Variants in DNAH7 observed in about 807,000 individuals in gnomAD.
DNAH7 encodes axonemal beta dynein heavy chain 7.
In DNAH7, 397 loss-of-function variants were observed where a neutral mutation model predicts 444.6. That is an observed-to-expected ratio of 0.89 (90% CI 0.82 to 0.97). DNAH7 has a LOEUF of 0.97. DNAH7 is among the 50% of genes least tolerant of loss of function. DNAH7 has a pLI of 0.00. For synonymous variants in DNAH7, 1,636 were observed against 1,624.4 expected (o/e 1.01, Z -0.17); for missense variants, 4,902 against 4,800.8 (o/e 1.02, Z -0.62).
intron 8 of DNAH7, among the ~76,000 whole-genome samples, chr2:196,020,314 C>T (rs1695298896): frequency 6.6e-6 from 1 of 152,024 alleles, no homozygotes; most frequent in Non-Finnish European, 1.5e-5. Flanking sequence ...AGCTCAGTGG[C>T]CCTTACCCCC....
At position 195,888,310 on chromosome 2, in the gene DNAH7, A is replaced by C; in HGVS notation, c.5354T>G (p.Leu1785Ter). ...SVIQKEFIMG[L>*]FDRMVPVSVE... ...CGAAACAGGGACCATTCTGTCAAAT[A>C]AGCCCATTATGAATTCCTTTTGAAT... The change falls in exon 33 of 65, where the codon TTA (leucine) becomes TGA (stop). Residue 1785 changes from leucine to a stop codon, truncating the protein, a stop_gained. Coordinates refer to ENST00000312428, the MANE Select transcript of DNAH7 (RefSeq NM_018897.3). LOFTEE classifies it high-confidence loss of function. 1 of 1,611,640 alleles carries C rather than the reference A, an allele frequency of 6.2e-7. No individual in the cohort carries two copies. Among genetic ancestry groups the C allele is most frequent in the Non-Finnish European group, 8.5e-7 (1 of 1,179,036 alleles).
chr2:195,862,981 A>C (rs1283485675), intron 41 of DNAH7, among the ~76,000 whole-genome samples: 1 of 152,176 alleles, frequency 6.6e-6, no homozygotes, highest in Admixed American at 6.5e-5. Flanking sequence ...GGTTGCAGTG[A>C]GCCAAGATTG....
chr2:195,747,865 C>G (rs1023841773), intron 63 of DNAH7, among the ~76,000 whole-genome samples: 9 of 152,074 alleles, frequency 5.9e-5, no homozygotes, highest in African/African-American at 1.7e-4. Flanking sequence ...TATGACAAAC[C>G]CACAGCCAAT....
At chr2:196,047,578 T>C (rs1466570719) in intron 4 of DNAH7, 79 bp from the exon 5 acceptor site, 2 of 1,214,472 alleles carry the variant, frequency 1.6e-6, no homozygotes, top group African/African-American at 1.6e-5. Flanking sequence ...TAAAATAAGA[T>C]GCTAAATCAC....
intron 5 of DNAH7, among the ~76,000 whole-genome samples, chr2:196,036,893 A>T (rs1213854511): frequency 2.0e-5 from 3 of 152,046 alleles, no homozygotes; most frequent in Non-Finnish European, 4.4e-5. Flanking sequence ...GTGCCCATGC[A>T]TGCCACCCAG....
chr2:196,051,683 C>T (rs1434426804), intron 2 of DNAH7, among the ~76,000 whole-genome samples: 8 of 152,000 alleles, frequency 5.3e-5, no homozygotes, highest in Admixed American at 3.9e-4. Flanking sequence ...AGGAGAATGG[C>T]GTGAACCCAG....
At position 195,876,674 on chromosome 2, in the gene DNAH7, T is replaced by C. The variant is rs752289529; in HGVS notation, c.5987A>G (p.Lys1996Arg). ...AATTAGCAGAGGTTTGTAGATTTCC[T>C]TATTTAGTTGATTTAAAAGAAAATT... Reference protein sequence around the residue: ...ITNFLLNQLNKEIYKPLLINF... With the variant: ...ITNFLLNQLNREIYKPLLINF... The change falls in exon 37 of 65, where the codon AAG (lysine) becomes AGG (arginine). Residue 1996 changes from lysine (K) to arginine (R), a missense_variant. By Grantham distance (26) the Lys-to-Arg change is conservative (BLOSUM62 2). Transcript: ENST00000312428. 6 of 1,601,260 alleles carry C rather than the reference T, an allele frequency of 3.7e-6. No homozygotes were observed. Among genetic ancestry groups the C allele is most frequent in the Non-Finnish European group, 5.1e-6 (6 of 1,171,134 alleles).
chr2:195,760,856 T>A (rs1443604281), intron 61 of DNAH7, among the ~76,000 whole-genome samples: 1 of 152,038 alleles, frequency 6.6e-6, no homozygotes, highest in East Asian at 1.9e-4. Flanking sequence ...AAGACTACAG[T>A]AAAAACTTAT....
intron 8 of DNAH7, among the ~76,000 whole-genome samples, chr2:196,021,365 G>A (rs1284315197): frequency 6.6e-6 from 1 of 152,150 alleles, no homozygotes; most frequent in East Asian, 1.9e-4. Context: ...TTGTATAGAG[G>A]CTTGCAATGG....
At chr2:195,897,843 C>T (rs962050939) in intron 28 of DNAH7, 78 bp from the exon 29 acceptor site, 1 of 733,454 alleles carries the variant, frequency 1.4e-6, no homozygotes, top group Non-Finnish European at 2.3e-6. Flanking sequence ...CGCATACACA[C>T]AAACCTACAG....
chr2:195,945,412 T>C (rs62203362), intron 19 of DNAH7, among the ~76,000 whole-genome samples: 1 of 152,138 alleles, frequency 6.6e-6, no homozygotes, highest in African/African-American at 2.4e-5. Context: ...TGCCTCATAA[T>C]ACCTATAAAA....
At chr2:195,769,159 A>C (rs987058335) in intron 61 of DNAH7, among the ~76,000 whole-genome samples, 1 of 152,198 alleles carries the variant, frequency 6.6e-6, no homozygotes, top group African/African-American at 2.4e-5. Context: ...CATTATAAGT[A>C]GTTCATATGA....
chr2:195,960,332 A>G lies in DNAH7; in HGVS notation c.2819T>C (p.Leu940Ser). The change falls in exon 18 of 65, where the codon TTG becomes TCG. Residue 940 changes from leucine (L) to serine (S), a missense_variant. Transcript: ENST00000312428. ...TTGTGTTTTAATAATATGGTCATCC[A>G]ACAACATCTGAATTTCATCAACTGA... Reference protein sequence around the residue: ...LASVDEIQMLLDDHIIKTQTM... With the variant: ...LASVDEIQMLSDDHIIKTQTM... 1 of 1,613,864 alleles carries G rather than the reference A, an allele frequency of 6.2e-7. No individual in the cohort carries two copies. The highest frequency in any genetic ancestry group is 8.5e-7 in the Non-Finnish European group (1 of 1,179,990).
At chr2:196,068,565 TG>T in intron 1 of DNAH7, 131 bp downstream of exon 1, 1 of 1,197,712 alleles carries the variant, frequency 8.3e-7, no homozygotes, top group Non-Finnish European at 1.2e-6. Flanking sequence ...AGGCCACAAG[TG>T]GGGTGAAGGA....
chr2:195,847,878 G>A (rs1399565827), intron 46 of DNAH7, among the ~76,000 whole-genome samples: 2 of 152,166 alleles, frequency 1.3e-5, no homozygotes, highest in Non-Finnish European at 2.9e-5. Flanking sequence ...GGCACATAAT[G>A]CAGTTTGTGA....
Position 195,875,770 on chromosome 2 carries a change from C to T in DNAH7, c.6191G>A (p.Arg2064Lys), listed in dbSNP as rs566705758. ...YGAQPPIELL[R>K]QWLDHWNWYD... is the part of the protein sequence containing the mutation. The stretch of plus-strand genomic sequence containing the variant: ...CCAGTTCCAGTGGTCTAACCACTGT[C>T]TAAGTAACTCAATGGGAGGTTGAGC... The change falls in exon 38 of 65, where the codon AGA becomes AAA. Residue 2064 changes from arginine to lysine, a missense_variant. By Grantham distance (26) the Arg-to-Lys change is conservative. Transcript: ENST00000312428. The T allele has an allele frequency of 1.9e-6, 3 of 1,613,674 alleles. No individual in the cohort carries two copies. Among genetic ancestry groups the T allele is most frequent in the Non-Finnish European group, 2.5e-6 (3 of 1,179,850 alleles).
At chr2:196,043,661 A>G (rs2125836857) in intron 5 of DNAH7, among the ~76,000 whole-genome samples, 1 of 152,282 alleles carries the variant, frequency 6.6e-6, no homozygotes, top group East Asian at 1.9e-4. Context: ...CAAACTATGC[A>G]TCTGACAGAG....
intron 10 of DNAH7, among the ~76,000 whole-genome samples, chr2:196,009,794 G>T (rs1430239191): frequency 1.3e-5 from 2 of 152,098 alleles, no homozygotes; most frequent in African/African-American, 2.4e-5. Context: ...AATACATAGA[G>T]AACTCAAACA....
intron 19 of DNAH7, among the ~76,000 whole-genome samples, chr2:195,948,808 G>T (rs1322858768): frequency 6.6e-6 from 1 of 152,054 alleles, no homozygotes; most frequent in Admixed American, 6.6e-5. Context: ...ATTTAAAGTG[G>T]TTTTTTTCTA....
Sources: gnomAD v4.1 joint callset for allele counts (sites outside exome capture counted in the v4.1 genomes callset) on GRCh38, gnomAD v4.1.1 for gene constraint, MANE v1.5 for transcripts, NCBI Gene and HGNC (gene_info 2026-07-23, HGNC 2026-07-21) for gene names.